Variants in THSD7A observed in about 807,000 individuals in gnomAD.
The protein encoded by THSD7A is thrombospondin type-1 domain-containing protein 7A.
THSD7A carries 96 observed loss-of-function variants against 231.3 expected under a neutral mutation model. The ratio of observed to expected loss-of-function variants is 0.41; its 90% confidence interval spans 0.35 to 0.49. THSD7A has a LOEUF of 0.49. Among genes scored for constraint, THSD7A ranks in the 20% least tolerant of loss-of-function variants. THSD7A has a pLI of 0.05. For missense variants in THSD7A, 2,290 were observed against 2,070.2 expected, an observed-to-expected ratio of 1.11 and a Z score of -2.06; for synonymous variants, 940 against 743.3, an observed-to-expected ratio of 1.26 and a Z score of -4.30.
chr7:11,524,844 T>A (rs940414136), intron 6 of THSD7A, among the ~76,000 whole-genome samples: 4 of 152,190 alleles, frequency 2.6e-5, no homozygotes, highest in African/African-American at 9.6e-5. Flanking sequence ...CAAATCAACA[T>A]GAAACACTAT....
chr7:11,642,259 G>C (rs565708475), intron 1 of THSD7A, among the ~76,000 whole-genome samples: 22 of 152,226 alleles, frequency 1.4e-4, no homozygotes, highest in African/African-American at 5.3e-4. Flanking sequence ...AAATCTGGTG[G>C]AGTGGTGTTT....
At chr7:11,593,875 C>A (rs190622923) in intron 2 of THSD7A, among the ~76,000 whole-genome samples, 3 of 152,090 alleles carry the variant, frequency 2.0e-5, no homozygotes, top group Non-Finnish European at 2.9e-5. Flanking sequence ...TTTAGGGAAT[C>A]AAGTAAATAT....
chr7:11,630,957 C>T (rs1430173244), intron 2 of THSD7A, among the ~76,000 whole-genome samples: 1 of 152,166 alleles, frequency 6.6e-6, no homozygotes, highest in Non-Finnish European at 1.5e-5. Context: ...GCCTCCTCTC[C>T]CTACTCCTCC....
chr7:11,821,383 C>T, intron 1 of THSD7A: 2 of 459,850 alleles, frequency 4.3e-6, no homozygotes, highest in South Asian at 6.1e-5. Context: ...TTCTCCCTTG[C>T]CCTGATTTTA....
chr7:11,722,331 C>T (rs1402018254), intron 1 of THSD7A, among the ~76,000 whole-genome samples: 2 of 151,804 alleles, frequency 1.3e-5, no homozygotes, highest in Admixed American at 1.3e-4. Flanking sequence ...TGCAGTTTGC[C>T]TTTCTATAAT....
rs544258141 is a variant in THSD7A at position 11,814,914 on chromosome 7, G to A, written c.190+16843C>T. ...TATCTGTGCCAGCTCATGAGCAGCA[G>A]ATGCCTTAATCCTGATTACTCCTCT... is the stretch of plus-strand genomic sequence containing the variant. On this transcript the variant is annotated intron_variant, in intron 1 of 27. Transcript: ENST00000423059. The surrounding 1 kb of genome is among the most constrained non-coding windows in gnomAD (Gnocchi z 5.1). Among the ~76,000 whole-genome samples the A allele has an allele frequency of 1.3e-5, 2 of 152,124 alleles. No homozygotes were observed. The highest frequency in any genetic ancestry group is 4.2e-4 in the South Asian group (2 of 4,816).
intron 1 of THSD7A, among the ~76,000 whole-genome samples, chr7:11,786,872 T>C (rs1783811666): frequency 6.6e-6 from 1 of 151,960 alleles, no homozygotes; most frequent in African/African-American, 2.4e-5. Context: ...AAACAAATTA[T>C]ACATGCTTGC....
intron 1 of THSD7A, among the ~76,000 whole-genome samples, chr7:11,669,267 A>G (rs1783277215): frequency 6.6e-6 from 1 of 152,150 alleles, no homozygotes; most frequent in African/African-American, 2.4e-5. Flanking sequence ...CCCAACAGGA[A>G]ATGTTTCTTA....
At chr7:11,702,154 G>GA (rs1257963430) in intron 1 of THSD7A, among the ~76,000 whole-genome samples, 1 of 151,108 alleles carries the variant, frequency 6.6e-6, no homozygotes, top group Admixed American at 6.6e-5. Flanking sequence ...CAGATCACCA[G>GA]AAAAAAGGGT....
chr7:11,688,690 T>C (rs1780140064), intron 1 of THSD7A, among the ~76,000 whole-genome samples: 1 of 151,712 alleles, frequency 6.6e-6, no homozygotes, highest in African/African-American at 2.4e-5. Context: ...AGGAAGTGTG[T>C]GTACAGGTGC....
rs563224257 is a variant in THSD7A at position 11,526,136 on chromosome 7, T to G, written c.1822+15283A>C. Among the ~76,000 whole-genome samples the G allele has an allele frequency of 1.8e-4, 28 of 152,306 alleles. No homozygotes were observed. In the South Asian group the frequency reaches 5.6e-3, roughly 30 times the overall value. On this transcript the variant is annotated intron_variant, in intron 6 of 27. Coordinates refer to ENST00000423059, the MANE Select transcript of THSD7A (RefSeq NM_015204.3). ...AATTTGAATTGTGTGAAACAGTCTC[T>G]TGAACCTGGCTTACCAATTCTCTCA...
At position 11,481,890 on chromosome 7, in the gene THSD7A, T is replaced by G; in HGVS notation, c.1915A>C (p.Thr639Pro). ...APCPKDCVLS[T>P]WSTWSSCSHT... ...GAGCAGGAGGACCACGTAGACCATGTGCTGAGCACACAGTCTTTCGGGCAT... is the reference window on the plus strand; with the variant it reads ...GAGCAGGAGGACCACGTAGACCATGGGCTGAGCACACAGTCTTTCGGGCAT... The change falls in exon 7 of 28, where the codon ACA (threonine) becomes CCA (proline). Residue 639 changes from threonine to proline, a missense_variant. Thr to Pro is a conservative substitution (Grantham distance 38, BLOSUM62 -1). Transcript: ENST00000423059. 2 of 1,613,808 alleles carry G rather than the reference T, an allele frequency of 1.2e-6. No individual in the cohort carries two copies. Among genetic ancestry groups the G allele is most frequent in the Non-Finnish European group, 1.7e-6 (2 of 1,179,750 alleles).
chr7:11,771,931 G>A (rs191351942), intron 1 of THSD7A, among the ~76,000 whole-genome samples: 36 of 152,216 alleles, frequency 2.4e-4, no homozygotes, highest in Middle Eastern at 3.4e-3. Context: ...TACTCTGGCC[G>A]TGTGATGTGT....
At chr7:11,727,845 C>A (rs185500788) in intron 1 of THSD7A, among the ~76,000 whole-genome samples, 1 of 151,976 alleles carries the variant, frequency 6.6e-6, no homozygotes, top group Non-Finnish European at 1.5e-5. Flanking sequence ...ACCCTCTTTA[C>A]CTCATTACTG....
intron 1 of THSD7A, among the ~76,000 whole-genome samples, chr7:11,732,758 A>C (rs1781779735): frequency 6.6e-6 from 1 of 151,804 alleles, no homozygotes; most frequent in South Asian, 2.1e-4. Flanking sequence ...AAGATTATCA[A>C]ATAGAGGTTA....
At chr7:11,390,484 A>T (rs1782936820) in intron 23 of THSD7A, among the ~76,000 whole-genome samples, 1 of 152,168 alleles carries the variant, frequency 6.6e-6, no homozygotes, top group Non-Finnish European at 1.5e-5. Context: ...TAAACTGGTT[A>T]TTCATGTTAG....
intron 1 of THSD7A, among the ~76,000 whole-genome samples, chr7:11,782,406 C>T (rs981423561): frequency 6.6e-6 from 1 of 152,286 alleles, no homozygotes; most frequent in African/African-American, 2.4e-5. Context: ...TTAACACACA[C>T]ATACACATAC....
intron 6 of THSD7A, among the ~76,000 whole-genome samples, chr7:11,495,389 TAAAG>T (rs1787058353): frequency 2.0e-5 from 3 of 151,916 alleles, no homozygotes; most frequent in Admixed American, 1.3e-4. Context: ...GATAAGCAAA[TAAAG>T]AAAGAAGAGA....
rs189023759 is a variant in THSD7A at position 11,591,959 on chromosome 7, G to C, written c.1271+1295C>G. The stretch of plus-strand genomic sequence containing the variant: ...TGAAAAATGCTTCCCCCCAAAAAGG[G>C]CATGGAGAAAGATACTCAAGGATAT... On this transcript the variant is annotated intron_variant, in intron 3 of 27. Coordinates refer to ENST00000423059, the MANE Select transcript of THSD7A (RefSeq NM_015204.3). 4.6e-5 allele frequency among the ~76,000 whole-genome samples: 7 copies of C among 152,258 alleles called. No individual in the cohort carries two copies. In the East Asian group the frequency reaches 1.4e-3, roughly 29 times the overall value.
Sources: gnomAD v4.1 joint callset for allele counts (sites outside exome capture counted in the v4.1 genomes callset) on GRCh38, gnomAD v4.1.1 for gene constraint, Gnocchi (gnomAD v3.1) non-coding constraint, MANE v1.5 for transcripts, NCBI Gene and HGNC (gene_info 2026-07-23, HGNC 2026-07-21) for gene names.